SGCD: variants seen among roughly 807,000 people sequenced by gnomAD.
SGCD encodes sarcoglycan delta.
In SGCD, 18 loss-of-function variants were observed where a neutral mutation model predicts 36.6. That is an observed-to-expected ratio of 0.49 (90% CI 0.34 to 0.73). The LOEUF (loss-of-function observed/expected upper bound fraction) is 0.73, where lower values mean the gene tolerates loss of function less well. SGCD is among the 30% of genes least tolerant of loss of function. The pLI is 0.01. For missense variants in SGCD, 387 were observed against 346.7 expected (o/e 1.12, Z -0.92); for synonymous variants, 133 against 130.6 (o/e 1.02, Z -0.12).
chr5:156,687,373 C>T (rs1310286216), intron 7 of SGCD, among the ~76,000 whole-genome samples: 1 of 152,200 alleles, frequency 6.6e-6, no homozygotes, highest in Non-Finnish European at 1.5e-5. Flanking sequence ...TGCTTCCCAT[C>T]TTTTCATTCC....
chr5:155,855,396 G>A, the SGCD span, among the ~76,000 whole-genome samples: 17 of 152,186 alleles, frequency 1.1e-4, no homozygotes, highest in East Asian at 1.9e-4. Context: ...ACTGCCTTCC[G>A]TTTCCTGTTT....
At chr5:155,842,076 A>T in the SGCD span, among the ~76,000 whole-genome samples, 1 of 152,112 alleles carries the variant, frequency 6.6e-6, no homozygotes, top group Non-Finnish European at 1.5e-5. Context: ...CTCAGCTTGA[A>T]AATGAAGCTA....
chr5:156,010,642 A>G (rs1758841552), intron 1 of SGCD, among the ~76,000 whole-genome samples: 1 of 152,214 alleles, frequency 6.6e-6, no homozygotes, highest in African/African-American at 2.4e-5. Flanking sequence ...AATTCGACAA[A>G]CATCATGCTA....
intron 3 of SGCD, among the ~76,000 whole-genome samples, chr5:156,474,365 G>A (rs1755092998): frequency 2.6e-5 from 4 of 152,222 alleles, no homozygotes; most frequent in African/African-American, 9.6e-5. Flanking sequence ...TCTAGGCTGT[G>A]CTATGCACTT....
chr5:156,331,272 A>G (rs75194700), intron 2 of SGCD, among the ~76,000 whole-genome samples: 5,392 of 152,214 alleles, frequency 0.035, 299 homozygotes, highest in African/African-American at 0.12. Context: ...TCAAATTCCT[A>G]TTGCAGAGTG....
At chr5:156,330,912 A>G (rs922847741) in intron 2 of SGCD, among the ~76,000 whole-genome samples, 3 of 152,204 alleles carry the variant, frequency 2.0e-5, no homozygotes, top group Non-Finnish European at 2.9e-5. Context: ...ATGTGTCCCA[A>G]TTTCCTAATC....
intron 1 of SGCD, among the ~76,000 whole-genome samples, chr5:156,113,660 A>G (rs929015494): frequency 6.6e-6 from 1 of 152,180 alleles, no homozygotes; most frequent in African/African-American, 2.4e-5. Flanking sequence ...TATTCTTGGT[A>G]TTTACACAAA....
intron 1 of SGCD, among the ~76,000 whole-genome samples, chr5:155,979,583 C>T (rs1219264612): frequency 6.6e-6 from 1 of 152,214 alleles, no homozygotes; most frequent in African/African-American, 2.4e-5. Flanking sequence ...CCTCTGTCAA[C>T]ACCATGGGGA....
intron 7 of SGCD, among the ~76,000 whole-genome samples, chr5:156,667,535 C>T (rs1269902043): frequency 6.6e-6 from 1 of 152,154 alleles, no homozygotes. Flanking sequence ...GAAGTGATTA[C>T]AGGAGAAGTA....
chr5:156,559,089 T>A (rs1055202812), intron 4 of SGCD, among the ~76,000 whole-genome samples: 1 of 152,164 alleles, frequency 6.6e-6, no homozygotes, highest in Non-Finnish European at 1.5e-5. Flanking sequence ...AATGACCTTA[T>A]ACAGATCCCT....
intron 4 of SGCD, among the ~76,000 whole-genome samples, chr5:156,581,405 A>G (rs1326666280): frequency 2.0e-5 from 3 of 152,188 alleles, no homozygotes; most frequent in Non-Finnish European, 4.4e-5. Flanking sequence ...CAGTCTGTCC[A>G]TTCTCCAAGC....
chr5:155,994,178 C>T (rs912950472), intron 1 of SGCD, among the ~76,000 whole-genome samples: 4 of 152,102 alleles, frequency 2.6e-5, no homozygotes, highest in African/African-American at 9.7e-5. Context: ...TGGAAGACTC[C>T]AGAATCCAAA....
chr5:156,696,915 AAC>A (rs57963416), intron 7 of SGCD, among the ~76,000 whole-genome samples: 7,278 of 144,940 alleles, frequency 0.05, 229 homozygotes, highest in Non-Finnish European at 0.074. Flanking sequence ...CCTTACACAC[AAC>A]ACACACACAC....
chr5:155,817,549 TG>T, the SGCD span, among the ~76,000 whole-genome samples: 1 of 152,150 alleles, frequency 6.6e-6, no homozygotes, highest in African/African-American at 2.4e-5. Context: ...GCTTATTTTT[TG>T]TATTTCCATT....
chr5:156,135,749 T>C (rs993957498), intron 3 of SGCD, among the ~76,000 whole-genome samples: 1 of 152,198 alleles, frequency 6.6e-6, no homozygotes, highest in African/African-American at 2.4e-5. Flanking sequence ...TGGAACTGTT[T>C]CCATACTTTG....
intron 1 of SGCD, among the ~76,000 whole-genome samples, chr5:156,068,967 GT>G (rs1387681973): frequency 2.6e-5 from 4 of 152,038 alleles, no homozygotes; most frequent in Non-Finnish European, 5.9e-5. Context: ...TTTTGATGGG[GT>G]TGTTTGCTTT....
chr5:155,858,416 C>G, the SGCD span, among the ~76,000 whole-genome samples: 1 of 152,128 alleles, frequency 6.6e-6, no homozygotes, highest in African/African-American at 2.4e-5. Flanking sequence ...ACTCAGAAAA[C>G]TTGTTTTAAA....
At chr5:156,452,643 C>T (rs1754071319) in intron 3 of SGCD, among the ~76,000 whole-genome samples, 1 of 152,124 alleles carries the variant, frequency 6.6e-6, no homozygotes, top group Non-Finnish European at 1.5e-5. Flanking sequence ...CAACAGGGTC[C>T]TTGGATTTTC....
chr5:155,828,460 C>G, the SGCD span, among the ~76,000 whole-genome samples: 1 of 152,090 alleles, frequency 6.6e-6, no homozygotes, highest in Non-Finnish European at 1.5e-5. Flanking sequence ...AATAAACCAA[C>G]GCAATGATTC....
Sources: gnomAD v4.1 joint callset for allele counts (sites outside exome capture counted in the v4.1 genomes callset) on GRCh38, gnomAD v4.1.1 for gene constraint, MANE v1.5 for transcripts, NCBI Gene and HGNC (gene_info 2026-07-23, HGNC 2026-07-21) for gene names.